TECRL: variants seen among roughly 807,000 people sequenced by gnomAD.
TECRL encodes the protein trans-2,3-enoyl-CoA reductase like.
In TECRL, 63 loss-of-function variants were observed where a neutral mutation model predicts 52.8. The ratio of observed to expected loss-of-function variants is 1.19; its 90% CI spans 0.97 to 1.47. The LOEUF is 1.47. TECRL is among the 40% of genes most tolerant of loss of function. The pLI is 0.00. For synonymous variants in TECRL, 164 were observed against 141.9 expected (o/e 1.16, Z -1.10); for missense variants, 482 against 429.6 (o/e 1.12, Z -1.08).
chr4:64,359,479 A>G (rs1386767872), intron 2 of TECRL, among the ~76,000 whole-genome samples: 1 of 149,680 alleles, frequency 6.7e-6, no homozygotes, highest in African/African-American at 2.5e-5. Flanking sequence ...ACATTCAAAT[A>G]TTGCTAACCC....
Position 64,409,346 on chromosome 4 carries a change from G to T in TECRL, c.6C>A (p.Phe2Leu). The change falls in exon 1 of 12, where the codon TTC becomes TTA. Residue 2 changes from phenylalanine (F) to leucine (L), a missense_variant. Physicochemically the swap from Phe to Leu is conservative, Grantham distance 22. Coordinates refer to ENST00000381210, the MANE Select transcript of TECRL (RefSeq NM_001010874.5). MFKRHKSLASER... is the reference protein window; with the variant it reads MLKRHKSLASER... ...CCGAAGCGAGGGACTTGTGCCTTTT[G>T]AACATTGTGTGAACTAAGAGGAGGG... 6.2e-7 allele frequency: 1 copy of T among 1,612,592 alleles called. No homozygotes were observed. Among genetic ancestry groups the T allele is most frequent in the South Asian group, 1.1e-5 (1 of 90,942 alleles).
rs973000857 is a variant in TECRL, at chr4:64,305,161, C to T, written c.730+5G>A. On this transcript the variant is annotated splice_donor_5th_base_variant and intron_variant, in intron 7 of 11. Coordinates refer to ENST00000381210, the MANE Select transcript of TECRL (RefSeq NM_001010874.5). ...TACGGTTAGTTAAGAAGAAACCCTA[C>T]ATACATGGTGGTGTATATAGTGGAT... 3 of 1,603,518 alleles carry T rather than the reference C, an allele frequency of 1.9e-6. No homozygotes were observed. Among genetic ancestry groups the T allele is most frequent in the Non-Finnish European group, 2.6e-6 (3 of 1,173,148 alleles).
Position 64,392,290 on chromosome 4 carries a change from G to A in TECRL, c.234+16828C>T, listed in dbSNP as rs112274910. Among the ~76,000 whole-genome samples, 113 of 151,926 alleles carry A rather than the reference G, an allele frequency of 7.4e-4. 2 individuals are homozygous for A. In the South Asian group the frequency reaches 0.013, roughly 18 times the overall value. On this transcript the variant is annotated intron_variant, in intron 1 of 11. Coordinates refer to ENST00000381210, the MANE Select transcript of TECRL (RefSeq NM_001010874.5). The stretch of plus-strand genomic sequence containing the variant: ...GTGAATTAAATCCTACCATGTTCCC[G>A]TATGAGAACCAGTTAAAAACCATAA...
chr4:64,305,301 A>G (rs1724265850), intron 6 of TECRL, 63 bp from the exon 7 acceptor site: 2 of 1,453,098 alleles, frequency 1.4e-6, no homozygotes, highest in Admixed American at 1.7e-5. Flanking sequence ...TTCAATTGTG[A>G]CATACATTTA....
chr4:64,312,988 G>T (rs895134940), intron 5 of TECRL, among the ~76,000 whole-genome samples: 2 of 152,064 alleles, frequency 1.3e-5, no homozygotes, highest in Admixed American at 6.5e-5. Context: ...CGCCATAATT[G>T]TAAGTTTCTT....
chr4:64,336,665 A>G (rs1279615873), intron 2 of TECRL, among the ~76,000 whole-genome samples: 6 of 152,146 alleles, frequency 3.9e-5, no homozygotes, highest in Non-Finnish European at 7.3e-5. Context: ...ATTTCCCTCT[A>G]CACACTGCTT....
intron 9 of TECRL, among the ~76,000 whole-genome samples, chr4:64,286,396 G>C (rs1008922459): frequency 6.6e-6 from 1 of 151,738 alleles, no homozygotes; most frequent in Non-Finnish European, 1.5e-5. Flanking sequence ...GCCAAAAAAG[G>C]GACAAAGATA....
rs139819760 is a variant in TECRL at position 64,338,716 on chromosome 4, A to G, written c.287-10160T>C. Among the ~76,000 whole-genome samples the G allele has an allele frequency of 6.3e-3, 963 of 152,326 alleles. 7 individuals carry two copies. The highest frequency in any genetic ancestry group is 0.022 in the African/African-American group (913 of 41,562). ...ATCACTGACCATCAGAGAAATGCAA[A>G]TCAAAACCACAATGAAATATCATCT... On this transcript the variant is annotated intron_variant, in intron 2 of 11. Coordinates refer to ENST00000381210, the MANE Select transcript of TECRL (RefSeq NM_001010874.5).
intron 4 of TECRL, among the ~76,000 whole-genome samples, chr4:64,319,386 A>C (rs1366911792): frequency 6.6e-6 from 1 of 151,852 alleles, no homozygotes; most frequent in African/African-American, 2.4e-5. Flanking sequence ...AGGACCTACA[A>C]CTAAGTTGAA....
chr4:64,326,394 A>G (rs1718262270), intron 3 of TECRL, among the ~76,000 whole-genome samples: 1 of 152,066 alleles, frequency 6.6e-6, no homozygotes, highest in Admixed American at 6.6e-5. Flanking sequence ...TCTTCCCCAT[A>G]TGCACACCAT....
chr4:64,340,808 T>C (rs1317278721), intron 2 of TECRL, among the ~76,000 whole-genome samples: 3 of 152,110 alleles, frequency 2.0e-5, no homozygotes, highest in East Asian at 1.9e-4. Flanking sequence ...ACTTGTGGTG[T>C]CTTTTCTGGG....
intron 1 of TECRL, among the ~76,000 whole-genome samples, chr4:64,395,157 T>C (rs949844225): frequency 2.6e-5 from 4 of 151,954 alleles, no homozygotes; most frequent in African/African-American, 4.8e-5. Flanking sequence ...TGGCCTCAGG[T>C]GATCCTCCTG....
intron 1 of TECRL, among the ~76,000 whole-genome samples, chr4:64,382,163 AG>A (rs1377362505): frequency 6.9e-6 from 1 of 145,032 alleles, no homozygotes. Context: ...CAATATTAGT[AG>A]GTTGTGTACG....
At chr4:64,281,853 T>A (rs2109925832) in intron 9 of TECRL, among the ~76,000 whole-genome samples, 1 of 151,920 alleles carries the variant, frequency 6.6e-6, no homozygotes, top group Non-Finnish European at 1.5e-5. Context: ...ATATATAAAT[T>A]ATTTTTACAT....
At chr4:64,303,158 T>C (rs1252866374) in intron 7 of TECRL, among the ~76,000 whole-genome samples, 1 of 151,478 alleles carries the variant, frequency 6.6e-6, no homozygotes, top group African/African-American at 2.4e-5. Flanking sequence ...GGGAAAATAT[T>C]CTATTAAAGA....
intron 1 of TECRL, among the ~76,000 whole-genome samples, chr4:64,387,866 TA>T (rs1458260644): frequency 6.6e-6 from 1 of 151,960 alleles, no homozygotes; most frequent in Non-Finnish European, 1.5e-5. Flanking sequence ...ACAAGTATGA[TA>T]AATTTTAAGA....
intron 5 of TECRL, among the ~76,000 whole-genome samples, chr4:64,312,357 T>C (rs766864715): frequency 7.9e-5 from 12 of 152,222 alleles, no homozygotes; most frequent in Non-Finnish European, 1.3e-4. Flanking sequence ...AAGTAGTTTG[T>C]GTATCTGCTG....
chr4:64,406,429 A>G (rs1724731210), intron 1 of TECRL, among the ~76,000 whole-genome samples: 1 of 151,980 alleles, frequency 6.6e-6, no homozygotes, highest in African/African-American at 2.4e-5. Context: ...ATTAAATATT[A>G]AGAAGTCAAA....
At chr4:64,380,171 T>C (rs1722686391) in intron 1 of TECRL, among the ~76,000 whole-genome samples, 1 of 152,114 alleles carries the variant, frequency 6.6e-6, no homozygotes, top group African/African-American at 2.4e-5. Context: ...CTTTGTTATA[T>C]ATCTGTTGGC....
Sources: gnomAD v4.1 joint callset for allele counts (sites outside exome capture counted in the v4.1 genomes callset) on GRCh38, gnomAD v4.1.1 for gene constraint, MANE v1.5 for transcripts, NCBI Gene and HGNC (gene_info 2026-07-23, HGNC 2026-07-21) for gene names.